Variants in YY2 observed in about 807,000 individuals in gnomAD.
The protein encoded by YY2 is YY2 transcription factor, also known as transcription factor YY2.
For missense variants in YY2, 254 were observed against 305.3 expected (o/e 0.83, Z 1.25); for synonymous variants, 157 against 131.2 (o/e 1.20, Z -1.35).
Position 21,857,507 on chromosome X carries a change from C to T in YY2, c.1023C>T (p.Phe341=). 1 of 1,212,076 alleles carries T rather than the reference C, an allele frequency of 8.3e-7. No individual in the cohort carries two copies. The highest frequency in any genetic ancestry group is 1.1e-6 in the Non-Finnish European group (1 of 895,605). ...GCATCCACACCGGCGATAAGCCCTT[C>T]GTGTGCCCCTTCGATGTTTGCAACA... is the stretch of plus-strand genomic sequence containing the variant. ...HLRIHTGDKP[F]VCPFDVCNRK... is the part of the protein sequence containing the mutation. Residue 341 remains phenylalanine, a synonymous_variant, in exon 1 of 1, where the codon TTC becomes TTT. Transcript: ENST00000429584.
Position 21,856,979 on chromosome X carries a change from C to A in YY2, c.495C>A (p.Gly165=). The A allele has an allele frequency of 8.3e-7, 1 of 1,212,069 alleles. No individual in the cohort carries two copies. Among genetic ancestry groups the A allele is most frequent in the Non-Finnish European group, 1.1e-6 (1 of 895,613 alleles). ...ANPAGSSSSL[G]TRKWEQKQMQ... ...CGGCAGGCAGCAGCTCCAGCCTGGG[C>A]ACGAGGAAGTGGGAGCAGAAGCAAA... Residue 165 remains glycine (G), a synonymous_variant, in exon 1 of 1, where the codon GGC becomes GGA. Transcript: ENST00000429584.
chrX:21,856,177 G>C lies in YY2; in HGVS notation c.-308G>C. 2 of 297,385 alleles carry C rather than the reference G, an allele frequency of 6.7e-6. No homozygotes were observed. Among genetic ancestry groups the C allele is most frequent in the Non-Finnish European group, 1.2e-5 (2 of 168,945 alleles). 24.5% of individuals were successfully genotyped at this position (297,385 alleles called of 1,213,427 possible). A position where few individuals can be genotyped will look rare whatever the true frequency, so the allele number is the denominator to read the frequency against. ...CAGGGTGGCAAACGTACGCGGGCAC[G>C]TGCACGTGCTTTTGGGGCCGACAGA... On this transcript the variant is annotated 5_prime_UTR_variant, in exon 1 of 1. Transcript: ENST00000429584.
At position 21,856,319 on chromosome X, in the gene YY2, GCGCCTTTCTCTGC is replaced by G; in HGVS notation, c.-165_-153del. The G allele has an allele frequency of 2.2e-6, 1 of 459,974 alleles. No individual in the cohort carries two copies. The highest frequency in any genetic ancestry group is 3.6e-5 in the East Asian group (1 of 27,736). 37.9% of individuals were successfully genotyped at this position (459,974 alleles called of 1,213,427 possible). ...CAGCTCGCGCCTTTCTCTGCAGCTCGCGCCTTTCTCTGCAGCTCGCGCCTTTCTCTGCAGCTCG... is the reference window on the plus strand; with the variant it reads ...CAGCTCGCGCCTTTCTCTGCAGCTCGAGCTCGCGCCTTTCTCTGCAGCTCG... On this transcript the variant is annotated 5_prime_UTR_variant, in exon 1 of 1. The change creates a premature stop within an existing upstream ORF in the 5' untranslated region. Transcript: ENST00000429584.
Position 21,856,734 on chromosome X carries a change from C to G in YY2, c.250C>G (p.Gln84Glu), listed in dbSNP as rs1220699750. The G allele has an allele frequency of 8.3e-7, 1 of 1,210,165 alleles. No individual in the cohort carries two copies. The highest frequency in any genetic ancestry group is 1.7e-5 in the African/African-American group (1 of 57,165). ...HDQEMLMLQT[Q>E]EEVVGYCDSD... ...CCAGGAAATGCTTATGTTGCAGACA[C>G]AAGAGGAAGTGGTGGGCTATTGCGA... The change falls in exon 1 of 1, where the codon CAA becomes GAA. Residue 84 changes from glutamine to glutamate, a missense_variant. Transcript: ENST00000429584.
chrX:21,857,818 C>T lies in YY2; in HGVS notation c.*215C>T. 2 of 380,745 alleles carry T rather than the reference C, an allele frequency of 5.3e-6. No individual in the cohort carries two copies. The highest frequency in any genetic ancestry group is 8.8e-6 in the Non-Finnish European group (2 of 227,371). 31.4% of individuals were successfully genotyped at this position (380,745 alleles called of 1,213,427 possible). On this transcript the variant is annotated 3_prime_UTR_variant, in exon 1 of 1. Transcript: ENST00000429584. ...ACATAAGATAATAGTGCTAAGATGCCATAGCTTGTTCTGTAACTATTTTTG... is the reference window on the plus strand; with the variant it reads ...ACATAAGATAATAGTGCTAAGATGCTATAGCTTGTTCTGTAACTATTTTTG...
At position 21,857,561 on chromosome X, in the gene YY2, A is replaced by G. The variant is rs2092924889; in HGVS notation, c.1077A>G (p.Lys359=). The change falls in exon 1 of 1, where the codon AAA becomes AAG. Residue 359 remains lysine, a synonymous_variant. Transcript: ENST00000429584. ...NRKFAQSTNL[K]THILTHVKTK... is the part of the protein sequence containing the mutation. ...AGTTCGCTCAGTCAACCAACCTGAA[A>G]ACCCACATATTAACGCATGTGAAGA... 1.7e-6 allele frequency: 2 copies of G among 1,211,639 alleles called. No individual in the cohort carries two copies. The highest frequency in any genetic ancestry group is 5.9e-5 in the East Asian group (2 of 33,848).
At position 21,858,558 on chromosome X, in the gene YY2, G is replaced by A. The variant is rs1403625161; in HGVS notation, c.*955G>A. Reference sequence around the variant, plus strand: ...GGAATGCCACTAAACATCCTACAATGCACAGACAGCCCCACGAAACACATA... The same window carrying A: ...GGAATGCCACTAAACATCCTACAATACACAGACAGCCCCACGAAACACATA... On this transcript the variant is annotated 3_prime_UTR_variant, in exon 1 of 1. Transcript: ENST00000429584. 8.1e-6 allele frequency: 1 copy of A among 122,929 alleles called. No homozygotes were observed. Among genetic ancestry groups the A allele is most frequent in the Non-Finnish European group, 1.9e-5 (1 of 53,256 alleles). The allele number at this position is 122,929 out of a possible 1,213,427, so 10.1% of individuals were successfully genotyped here.
In YY2 at chrX:21,857,799, G is replaced by A. The variant is rs2092925453; in HGVS notation, c.*196G>A. The stretch of plus-strand genomic sequence containing the variant: ...TTTAAAAAGGTAAACCTTGACATAA[G>A]ATAATAGTGCTAAGATGCCATAGCT... On this transcript the variant is annotated 3_prime_UTR_variant, in exon 1 of 1. Coordinates refer to ENST00000429584, the MANE Select transcript of YY2 (RefSeq NM_206923.4). The A allele has an allele frequency of 1.1e-5, 5 of 445,815 alleles. No individual in the cohort carries two copies. Among genetic ancestry groups the A allele is most frequent in the Non-Finnish European group, 1.8e-5 (5 of 274,925 alleles). The allele number at this position is 445,815 out of a possible 1,213,427, so 36.7% of individuals were successfully genotyped here. A position where few individuals can be genotyped will look rare whatever the true frequency, so the allele number is the denominator to read the frequency against.
At position 21,856,169 on chromosome X, in the gene YY2, G is replaced by C; in HGVS notation, c.-316G>C. On this transcript the variant is annotated 5_prime_UTR_variant, in exon 1 of 1. Transcript: ENST00000429584. ...CGGGGTCGCAGGGTGGCAAACGTAC[G>C]CGGGCACGTGCACGTGCTTTTGGGG... 7.3e-6 allele frequency: 2 copies of C among 273,340 alleles called. No individual in the cohort carries two copies. Among genetic ancestry groups the C allele is most frequent in the Non-Finnish European group, 1.3e-5 (2 of 154,007 alleles). The allele number at this position is 273,340 out of a possible 1,213,427, so 22.5% of individuals were successfully genotyped here.
rs982621700 is a variant in YY2, at chrX:21,857,288, C to T, written c.804C>T (p.Tyr268=). 23 of 1,210,229 alleles carry T rather than the reference C, an allele frequency of 1.9e-5. No homozygotes were observed. Among genetic ancestry groups the T allele is most frequent in the Non-Finnish European group, 2.5e-5 (22 of 895,237 alleles). Residue 268 remains tyrosine, a synonymous_variant, in exon 1 of 1, where the codon TAC becomes TAT. Transcript: ENST00000429584. ...GCTGCGAAAAGATGTTCCGGGATTA[C>T]GCCGCCATGAGAAAACATCTCCACA... The part of the protein sequence containing the change: ...YSGCEKMFRD[Y]AAMRKHLHIH...
rs777166349 is a variant in YY2, at chrX:21,857,496, G to A, written c.1012G>A (p.Asp338Asn). Residue 338 changes from aspartate to asparagine, a missense_variant, in exon 1 of 1, where the codon GAT becomes AAT. Physicochemically the swap from Asp to Asn is conservative, Grantham distance 23. Transcript: ENST00000429584. The part of the protein sequence containing the change: ...LRTHLRIHTG[D>N]KPFVCPFDVC... ...CACACACTTGCGCATCCACACCGGC[G>A]ATAAGCCCTTCGTGTGCCCCTTCGA... is the stretch of plus-strand genomic sequence containing the variant. 9.9e-6 allele frequency: 12 copies of A among 1,210,469 alleles called. No homozygotes were observed. The highest frequency in any genetic ancestry group is 1.0e-5 in the Non-Finnish European group (9 of 895,411).
Position 21,856,279 on chromosome X carries a change from T to A in YY2, c.-206T>A. The A allele has an allele frequency of 3.5e-6, 1 of 284,717 alleles. No individual in the cohort carries two copies. Among genetic ancestry groups the A allele is most frequent in the Non-Finnish European group, 5.7e-6 (1 of 175,839 alleles). 23.5% of individuals were successfully genotyped at this position (284,717 alleles called of 1,213,427 possible). A position where few individuals can be genotyped will look rare whatever the true frequency, so the allele number is the denominator to read the frequency against. Reference sequence around the variant, plus strand: ...CTTCCGGCTCGTGCTTTCCTCAGTCTCGCGCCTTTCTCTGCAGCTCGCGCC... The same window carrying A: ...CTTCCGGCTCGTGCTTTCCTCAGTCACGCGCCTTTCTCTGCAGCTCGCGCC... On this transcript the variant is annotated 5_prime_UTR_variant, in exon 1 of 1. Transcript: ENST00000429584.
chrX:21,856,263 C>A lies in YY2; in HGVS notation c.-222C>A, dbSNP rs1274515799. ...CCAGAAGCACCTGCGCCTTCCGGCT[C>A]GTGCTTTCCTCAGTCTCGCGCCTTT... On this transcript the variant is annotated 5_prime_UTR_variant, in exon 1 of 1. It introduces an in-frame stop codon into an upstream open reading frame of the 5' UTR. Transcript: ENST00000429584. The A allele has an allele frequency of 2.4e-6, 1 of 422,368 alleles. No homozygotes were observed. Among genetic ancestry groups the A allele is most frequent in the Non-Finnish European group, 4.0e-6 (1 of 249,519 alleles). The allele number at this position is 422,368 out of a possible 1,213,427, so 34.8% of individuals were successfully genotyped here.
Position 21,857,186 on chromosome X carries a change from G to A in YY2, c.702G>A (p.Gln234=), listed in dbSNP as rs1327666005. Residue 234 remains glutamine (Q), a synonymous_variant, in exon 1 of 1, where the codon CAG becomes CAA. Transcript: ENST00000429584. Reference sequence around the variant, plus strand: ...GCATTGATCTCTCAGATCCTAAACAGCTGGCAGAATTTACTAAAGTGAAGC... The same window carrying A: ...GCATTGATCTCTCAGATCCTAAACAACTGGCAGAATTTACTAAAGTGAAGC... ...LPGIDLSDPK[Q]LAEFTKVKPK... The A allele has an allele frequency of 1.7e-6, 2 of 1,211,930 alleles. No homozygotes were observed. The highest frequency in any genetic ancestry group is 2.2e-6 in the Non-Finnish European group (2 of 895,611).
rs1281721294 is a variant in YY2, at chrX:21,858,442, G to A, written c.*839G>A. The stretch of plus-strand genomic sequence containing the variant: ...AAATAAAACACCTCTTCTAAAGAAG[G>A]AAAAAAGTAGTTTGCCTATATCAGT... On this transcript the variant is annotated 3_prime_UTR_variant, in exon 1 of 1. Transcript: ENST00000429584. The A allele has an allele frequency of 8.1e-6, 1 of 123,216 alleles. No homozygotes were observed. Among genetic ancestry groups the A allele is most frequent in the Non-Finnish European group, 1.9e-5 (1 of 53,322 alleles). The allele number at this position is 123,216 out of a possible 1,213,427, so 10.2% of individuals were successfully genotyped here.
In YY2 at chrX:21,857,600, G is replaced by A. The variant is rs757067945; in HGVS notation, c.1116G>A (p.Pro372=). The change falls in exon 1 of 1, where the codon CCG becomes CCA. Residue 372 remains proline (P), a synonymous_variant. Transcript: ENST00000429584. Reference sequence around the variant, plus strand: ...CGCATGTGAAGACCAAAAACAACCCGTGAAAAGGAGAAGACCCCTCTCAGA... The same window carrying A: ...CGCATGTGAAGACCAAAAACAACCCATGAAAAGGAGAAGACCCCTCTCAGA... ...ILTHVKTKNN[P] 5.0e-6 allele frequency: 6 copies of A among 1,197,416 alleles called. No individual in the cohort carries two copies. The highest frequency in any genetic ancestry group is 2.3e-4 in the Middle Eastern group (1 of 4,318).
rs1007833251 is a variant in YY2 at position 21,856,556 on chromosome X, C to T, written c.72C>T (p.Asp24=). 4 of 1,211,575 alleles carry T rather than the reference C, an allele frequency of 3.3e-6. No individual in the cohort carries two copies. The highest frequency in any genetic ancestry group is 4.3e-5 in the Admixed American group (2 of 46,076). The part of the protein sequence containing the change: ...EIPADIVELH[D]INVEPLPMED... ...CGGCAGATATTGTGGAGCTCCACGA[C>T]ATCAATGTGGAGCCCCTTCCTATGG... is the stretch of plus-strand genomic sequence containing the variant. The change falls in exon 1 of 1, where the codon GAC becomes GAT. Residue 24 remains aspartate (D), a synonymous_variant. Transcript: ENST00000429584.
In YY2 at chrX:21,856,154, G is replaced by A. The variant is rs2092920850; in HGVS notation, c.-331G>A. 7.8e-6 allele frequency: 2 copies of A among 255,072 alleles called. No homozygotes were observed. The highest frequency in any genetic ancestry group is 1.4e-5 in the Non-Finnish European group (2 of 142,461). The allele number at this position is 255,072 out of a possible 1,213,427, so 21.0% of individuals were successfully genotyped here. A position where few individuals can be genotyped will look rare whatever the true frequency, so the allele number is the denominator to read the frequency against. ...AAAACAACAGCTGGGCGGGGTCGCA[G>A]GGTGGCAAACGTACGCGGGCACGTG... On this transcript the variant is annotated 5_prime_UTR_variant, in exon 1 of 1. Coordinates refer to ENST00000429584, the MANE Select transcript of YY2 (RefSeq NM_206923.4).
In YY2 at chrX:21,856,181, A is replaced by C; in HGVS notation, c.-304A>C. 1 of 303,864 alleles carries C rather than the reference A, an allele frequency of 3.3e-6. No homozygotes were observed. The highest frequency in any genetic ancestry group is 5.1e-5 in the East Asian group (1 of 19,479). The allele number at this position is 303,864 out of a possible 1,213,427, so 25.0% of individuals were successfully genotyped here. A position where few individuals can be genotyped will look rare whatever the true frequency, so the allele number is the denominator to read the frequency against. ...GTGGCAAACGTACGCGGGCACGTGC[A>C]CGTGCTTTTGGGGCCGACAGACGCG... On this transcript the variant is annotated 5_prime_UTR_variant, in exon 1 of 1. Transcript: ENST00000429584.
Sources: gnomAD v4.1 joint callset for allele counts on GRCh38, gnomAD v4.1.1 for gene constraint, MANE v1.5 for transcripts, NCBI Gene and HGNC (gene_info 2026-07-23, HGNC 2026-07-21) for gene names.